Variants in MMP26 observed in about 807,000 individuals in gnomAD.
The protein encoded by MMP26 is matrix metalloproteinase-26.
MMP26 carries 33 observed loss-of-function variants against 31.0 expected under a neutral mutation model. That is an observed-to-expected ratio of 1.06 (90% CI 0.81 to 1.42). MMP26 has a LOEUF of 1.42. Ranked by LOEUF, MMP26 falls within the 40% of genes most tolerant of loss-of-function variation. The probability of loss-of-function intolerance (pLI) is 0.00; values close to 1 mark genes in which losing one functional copy is unlikely to be tolerated. For synonymous variants in MMP26, 122 were observed against 114.9 expected, an observed-to-expected ratio of 1.06 and a Z score of -0.40; for missense variants, 347 against 316.1, an observed-to-expected ratio of 1.10 and a Z score of -0.74.
chr11:4,945,987 G>A (rs192779769), intron 2 of MMP26: 88 of 656,450 alleles, frequency 1.3e-4, no homozygotes, highest in Non-Finnish European at 1.9e-4. Flanking sequence ...ATAAGGCAAC[G>A]TACTTCCTGT....
At chr11:4,769,062 G>T (rs1332960399) in intron 2 of MMP26, 3 of 1,560,824 alleles carry the variant, frequency 1.9e-6, no homozygotes, top group South Asian at 2.4e-5. Context: ...AGCACAGGGG[G>T]TAAAAGCAGG....
At chr11:4,774,342 C>A (rs772269579) in intron 2 of MMP26, among the ~76,000 whole-genome samples, 1 of 152,134 alleles carries the variant, frequency 6.6e-6, no homozygotes, top group Non-Finnish European at 1.5e-5. Context: ...GATGGTATCT[C>A]CTTGTGGCTT....
At chr11:4,984,020 G>C (rs1365181415) in intron 2 of MMP26, among the ~76,000 whole-genome samples, 1 of 152,102 alleles carries the variant, frequency 6.6e-6, no homozygotes, top group Non-Finnish European at 1.5e-5. Flanking sequence ...AGTTAAGCTG[G>C]CTCTCAGCAG....
intron 2 of MMP26, chr11:4,768,913 G>A: frequency 9.6e-7 from 1 of 1,041,636 alleles, no homozygotes; most frequent in Non-Finnish European, 1.4e-6. Flanking sequence ...CAGTAAGAGA[G>A]CAAGTTCGCT....
intron 1 of MMP26, among the ~76,000 whole-genome samples, chr11:4,742,214 T>G (rs1261598524): frequency 2.0e-5 from 3 of 152,232 alleles, no homozygotes; most frequent in Admixed American, 6.5e-5. Flanking sequence ...CATAGGAAAT[T>G]AAATGTTAAT....
At chr11:4,956,748 T>C (rs923504302) in intron 2 of MMP26, among the ~76,000 whole-genome samples, 8 of 152,180 alleles carry the variant, frequency 5.3e-5, no homozygotes, top group African/African-American at 1.9e-4. Context: ...TTGTCCAACT[T>C]AGACAAGTTT....
chr11:4,830,689 G>A (rs1412711281), intron 2 of MMP26, among the ~76,000 whole-genome samples: 4 of 152,238 alleles, frequency 2.6e-5, no homozygotes, highest in Non-Finnish European at 5.9e-5. Flanking sequence ...ATAACAGGCT[G>A]TTAGCCATAC....
In MMP26 at chr11:4,882,751, C is replaced by T. The variant is rs764345760; in HGVS notation, c.-144-105317C>T. 3.1e-6 allele frequency: 5 copies of T among 1,613,818 alleles called. No individual in the cohort carries two copies. In the Admixed American group the frequency reaches 8.3e-5, roughly 27 times the overall value. ...GCACTTTGGCCAATATTTATCTGCT[C>T]TTACCACCTGTGCTGAACCCTATCA... On this transcript the variant is annotated intron_variant, in intron 2 of 7. Transcript: ENST00000380390.
intron 2 of MMP26, chr11:4,914,668 A>G (rs1011691591): frequency 2.4e-6 from 3 of 1,228,194 alleles, no homozygotes; most frequent in Non-Finnish European, 3.5e-6. Flanking sequence ...TATAAAGGAT[A>G]GGCAAACAAG....
At chr11:4,868,391 T>G (rs1348409383) in intron 2 of MMP26, among the ~76,000 whole-genome samples, 1 of 152,098 alleles carries the variant, frequency 6.6e-6, no homozygotes, top group Non-Finnish European at 1.5e-5. Flanking sequence ...AAAATCAATG[T>G]GCAAAAATCA....
intron 2 of MMP26, among the ~76,000 whole-genome samples, chr11:4,811,372 T>C (rs1442319044): frequency 1.3e-5 from 2 of 152,168 alleles, no homozygotes; most frequent in East Asian, 3.9e-4. Flanking sequence ...CACGCTCAAG[T>C]AGGTCCCAGT....
chr11:4,806,336 G>A (rs978703474), intron 2 of MMP26, among the ~76,000 whole-genome samples: 8 of 152,138 alleles, frequency 5.3e-5, no homozygotes, highest in South Asian at 4.2e-4. Context: ...AAAGTCTCCC[G>A]TTATTATTGT....
intron 2 of MMP26, among the ~76,000 whole-genome samples, chr11:4,801,427 A>C (rs759611018): frequency 3.3e-5 from 5 of 152,306 alleles, no homozygotes; most frequent in Non-Finnish European, 5.9e-5. Flanking sequence ...TCATGGCAGA[A>C]GACAAAGGAG....
At chr11:4,809,898 T>C (rs898116864) in intron 2 of MMP26, among the ~76,000 whole-genome samples, 2 of 152,228 alleles carry the variant, frequency 1.3e-5, no homozygotes, top group East Asian at 1.9e-4. Context: ...AGATGATCAC[T>C]CACCCAGACC....
chr11:4,712,161 A>G (rs935416443), intron 1 of MMP26: 2 of 152,192 alleles, frequency 1.3e-5, no homozygotes, highest in Admixed American at 6.5e-5. Flanking sequence ...CTTCACATAT[A>G]TACTGACATA....
intron 2 of MMP26, chr11:4,803,647 G>A: frequency 1.2e-6 from 2 of 1,613,888 alleles, no homozygotes; most frequent in Non-Finnish European, 8.5e-7. Context: ...GATATGGGAG[G>A]AACGTGTGCT....
chr11:4,850,647 G>C (rs1454495086), intron 2 of MMP26, among the ~76,000 whole-genome samples: 1 of 151,824 alleles, frequency 6.6e-6, no homozygotes, highest in African/African-American at 2.4e-5. Flanking sequence ...TCAGGATAAT[G>C]ATATAGATAC....
chr11:4,886,736 C>T (rs1037721677), intron 2 of MMP26, among the ~76,000 whole-genome samples: 2 of 88,978 alleles, frequency 2.2e-5, no homozygotes, highest in Non-Finnish European at 3.6e-5. Context: ...TTATTTTTGA[C>T]AGACAGCCTG....
chr11:4,970,442 C>A (rs907933596), intron 2 of MMP26, among the ~76,000 whole-genome samples: 1 of 152,122 alleles, frequency 6.6e-6, no homozygotes, highest in African/African-American at 2.4e-5. Context: ...TTCAGTTAAC[C>A]CTTTCCCCCT....
Sources: gnomAD v4.1 joint callset for allele counts (sites outside exome capture counted in the v4.1 genomes callset) on GRCh38, gnomAD v4.1.1 for gene constraint, MANE v1.5 for transcripts, NCBI Gene and HGNC (gene_info 2026-07-23, HGNC 2026-07-21) for gene names.